Variants in CECR2 observed in about 807,000 individuals in gnomAD.
CECR2 encodes the protein CECR2 histone acetyl-lysine reader.
Under a neutral mutation model 154.5 loss-of-function variants are expected in CECR2, and 30 were observed. That is an observed-to-expected ratio of 0.19 (90% confidence interval 0.15 to 0.26). The LOEUF is 0.26. Ranked by LOEUF, CECR2 falls within the 10% of genes least tolerant of loss-of-function variation. The probability of loss-of-function intolerance (pLI) is 1.00; values close to 1 mark genes in which losing one functional copy is unlikely to be tolerated. For synonymous variants in CECR2, 725 were observed against 683.7 expected (o/e 1.06, Z -0.94); for missense variants, 1,743 against 1,829.3 (o/e 0.95, Z 0.86).
rs551923480 is a variant in CECR2 at position 17,489,093 on chromosome 22, G to A, written c.222-8310G>A. Among the ~76,000 whole-genome samples, 114 of 151,566 alleles carry A rather than the reference G, an allele frequency of 7.5e-4. 1 individual carries two copies. The highest frequency in any genetic ancestry group is 2.6e-3 in the African/African-American group (109 of 41,214). On this transcript the variant is annotated intron_variant, in intron 2 of 18. Transcript: ENST00000262608. ...CAAGTAGCTGGGATTACAGGCATGC[G>A]CCAGCTAATTTTTTGTATTTAGTAG...
rs60634016 is a variant in CECR2 at position 17,379,581 on chromosome 22, GGTGTGTGTGTGTGT to G, written c.126+9703_126+9716del. On this transcript the variant is annotated intron_variant, in intron 1 of 18. Transcript: ENST00000262608. ...AAAGTTCAGTGGGACCTACGTTGAA[GGTGTGTGTGTGTGT>G]GTGTGTGTGTGTGTGTGTGTGTGTG... Among the ~76,000 whole-genome samples, 872 of 137,906 alleles carry G rather than the reference GGTGTGTGTGTGTGT, an allele frequency of 6.3e-3. 12 individuals are homozygous for G. Among genetic ancestry groups the G allele is most frequent in the African/African-American group, 0.021 (797 of 37,100 alleles). The allele number at this position is 137,906 out of a possible 152,430, so 90.5% of individuals were successfully genotyped here.
intron 1 of CECR2, among the ~76,000 whole-genome samples, chr22:17,381,902 T>C (rs1174879271): frequency 1.3e-5 from 2 of 151,744 alleles, no homozygotes; most frequent in Admixed American, 6.6e-5. Flanking sequence ...TTTTTGTTTT[T>C]TTTGAGACGG....
At position 17,490,717 on chromosome 22, in the gene CECR2, A is replaced by G. The variant is rs550957573; in HGVS notation, c.222-6686A>G. Among the ~76,000 whole-genome samples, 18 of 152,158 alleles carry G rather than the reference A, an allele frequency of 1.2e-4. No individual in the cohort carries two copies. The South Asian group carries it at 3.7e-3, about 32-fold the overall frequency. On this transcript the variant is annotated intron_variant, in intron 2 of 18. Transcript: ENST00000262608. ...GTCCACCTCAGCCTCCCAAAGTGCT[A>G]GGATTACAGGCATGAGCCACCATGC... is the stretch of plus-strand genomic sequence containing the variant.
At position 17,477,492 on chromosome 22, in the gene CECR2, C is replaced by A. The variant is rs2055228705; in HGVS notation, c.127-96C>A. ...TGGCAAGTCCTTCCGCTGCTGGGAC[C>A]ATTCAGTTCTTGGGGCTTGTGCTGG... On this transcript the variant is annotated intron_variant, in intron 1 of 18. Transcript: ENST00000262608. The A allele has an allele frequency of 3.7e-6, 3 of 812,550 alleles. No individual in the cohort carries two copies. In the African/African-American group the frequency reaches 5.0e-5, roughly 14 times the overall value. 50.3% of individuals were successfully genotyped at this position (812,550 alleles called of 1,614,324 possible). A position where few individuals can be genotyped will look rare whatever the true frequency, so the allele number is the denominator to read the frequency against.
intron 1 of CECR2, among the ~76,000 whole-genome samples, chr22:17,384,095 C>CTGTT (rs2063232511): frequency 6.6e-6 from 1 of 152,190 alleles, no homozygotes; most frequent in African/African-American, 2.4e-5. Flanking sequence ...TTCCAAACTC[C>CTGTT]TGTTAATATG....
Position 17,499,431 on chromosome 22 carries a change from C to T in CECR2, c.427C>T (p.Arg143Cys), listed in dbSNP as rs2055695213. ...GTAGGGCCTGGATGCAGACAGTCTCCGTGTGGAGCCATTGGGTGAAGACAA... is the reference window on the plus strand; with the variant it reads ...GTAGGGCCTGGATGCAGACAGTCTCTGTGTGGAGCCATTGGGTGAAGACAA... The part of the protein sequence containing the change: ...LLKGLDADSL[R>C]VEPLGEDNSG... Residue 143 changes from arginine (R) to cysteine (C), a missense_variant, in exon 4 of 19, where the codon CGT (arginine) becomes TGT (cysteine). Physicochemically the swap from Arg to Cys is radical, Grantham distance 180 (BLOSUM62 -3). This residue lies in a region of CECR2 where 98 missense variants were observed against 169.3 expected (regional missense o/e 0.58). Coordinates refer to ENST00000262608, the MANE Select transcript of CECR2 (RefSeq NM_001290047.2). The T allele has an allele frequency of 1.2e-6, 2 of 1,613,608 alleles. No individual in the cohort carries two copies. Among genetic ancestry groups the T allele is most frequent in the Non-Finnish European group, 1.7e-6 (2 of 1,179,698 alleles).
intron 7 of CECR2, among the ~76,000 whole-genome samples, chr22:17,508,075 T>A (rs1041230616): frequency 1.1e-4 from 17 of 152,192 alleles, no homozygotes; most frequent in African/African-American, 4.1e-4. Flanking sequence ...CTCTCCTCAT[T>A]CCATAGTATA....
In CECR2 at chr22:17,511,814, G is replaced by GA; in HGVS notation, c.876dup (p.Arg293ThrfsTer12). 3 of 1,611,014 alleles carry GA rather than the reference G, an allele frequency of 1.9e-6. No homozygotes were observed. The highest frequency in any genetic ancestry group is 2.5e-6 in the Non-Finnish European group (3 of 1,178,424). On this transcript the variant is annotated frameshift_variant and splice_region_variant, in exon 8 of 19. Transcript: ENST00000262608. LOFTEE classifies it high-confidence loss of function. ...TCTCTTCTTCACTTCTAACTATAGG[G>GA]AAAACGTCCACAGCGCACAAAGGCA...
intron 1 of CECR2, among the ~76,000 whole-genome samples, chr22:17,385,737 G>C (rs921614963): frequency 6.6e-6 from 1 of 152,188 alleles, no homozygotes; most frequent in Non-Finnish European, 1.5e-5. Flanking sequence ...CGCAGGGTCG[G>C]CACGAAATCT....
intron 7 of CECR2, 51 bp downstream of exon 7, chr22:17,505,067 A>C: frequency 6.4e-7 from 1 of 1,558,124 alleles, no homozygotes; most frequent in South Asian, 1.1e-5. Flanking sequence ...CTGATGCTGC[A>C]TTATTTAAGG....
At chr22:17,543,225 C>T (rs771207466) in intron 16 of CECR2, among the ~76,000 whole-genome samples, 9 of 152,050 alleles carry the variant, frequency 5.9e-5, no homozygotes, top group Non-Finnish European at 5.9e-5. Context: ...TTCCACCTCC[C>T]GGGTTCATGC....
At chr22:17,426,443 G>A (rs193226731) in intron 1 of CECR2, among the ~76,000 whole-genome samples, 40 of 151,908 alleles carry the variant, frequency 2.6e-4, no homozygotes, top group Admixed American at 2.0e-3. Context: ...TGCAACCTCC[G>A]CCTCCCAAGT....
At chr22:17,517,297 G>A (rs759263492) in intron 8 of CECR2, among the ~76,000 whole-genome samples, 1 of 152,124 alleles carries the variant, frequency 6.6e-6, no homozygotes, top group Non-Finnish European at 1.5e-5. Flanking sequence ...CTCACCTTCC[G>A]CCACGATTAT....
chr22:17,435,829 C>CA (rs1183555742), intron 1 of CECR2, among the ~76,000 whole-genome samples: 2 of 152,034 alleles, frequency 1.3e-5, no homozygotes, highest in Admixed American at 6.6e-5. Flanking sequence ...TTCTGAAACA[C>CA]ACTGTACTAA....
chr22:17,500,136 G>A (rs1366838619), intron 4 of CECR2, among the ~76,000 whole-genome samples: 6 of 151,510 alleles, frequency 4.0e-5, no homozygotes, highest in South Asian at 2.1e-4. Context: ...GTGTGAACCC[G>A]GGAGGCTGAT....
chr22:17,514,401 T>G (rs879704797), intron 8 of CECR2, among the ~76,000 whole-genome samples: 10 of 152,178 alleles, frequency 6.6e-5, no homozygotes, highest in Admixed American at 2.0e-4. Flanking sequence ...TGAATCGTCC[T>G]TGACTGGATT....
chr22:17,413,041 C>G (rs902299648), intron 1 of CECR2, among the ~76,000 whole-genome samples: 1 of 152,166 alleles, frequency 6.6e-6, no homozygotes, highest in Non-Finnish European at 1.5e-5. Context: ...GTCCTCCACC[C>G]TCTCTTGGGG....
intron 2 of CECR2, among the ~76,000 whole-genome samples, chr22:17,486,992 G>A (rs1427011174): frequency 6.6e-6 from 1 of 152,138 alleles, no homozygotes; most frequent in African/African-American, 2.4e-5. Flanking sequence ...TGCTGGTCCA[G>A]GACTTCGCTG....
intron 16 of CECR2, among the ~76,000 whole-genome samples, 154 bp from the exon 17 acceptor site, chr22:17,547,994 A>G (rs576366243): frequency 2.0e-5 from 3 of 152,120 alleles, no homozygotes; most frequent in Non-Finnish European, 2.9e-5. Context: ...AGGGACCCCA[A>G]TGTCCTGCCC....
Sources: allele counts gnomAD v4.1 joint callset (sites outside exome capture counted in the v4.1 genomes callset), GRCh38; gene constraint gnomAD v4.1.1; regional missense constraint gnomAD v4.1.1; transcripts MANE v1.5; gene names NCBI Gene and HGNC (gene_info 2026-07-23, HGNC 2026-07-21).